CATSPERD: variants seen among roughly 807,000 people sequenced by gnomAD.
CATSPERD encodes the protein cation channel sperm-associated auxiliary subunit delta.
Under a neutral mutation model 98.1 loss-of-function variants are expected in CATSPERD, and 86 were observed. That is an observed-to-expected ratio of 0.88 (90% CI 0.74 to 1.05). The LOEUF is 1.05. Ranked by LOEUF, CATSPERD falls within the 50% of genes least tolerant of loss-of-function variation. The pLI is 0.00. For missense variants in CATSPERD, 995 were observed against 1,005.7 expected, an observed-to-expected ratio of 0.99 and a Z score of 0.14; for synonymous variants, 394 against 390.2, an observed-to-expected ratio of 1.01 and a Z score of -0.12.
intron 5 of CATSPERD, among the ~76,000 whole-genome samples, chr19:5,734,600 T>C (rs903129087): frequency 4.6e-5 from 7 of 150,968 alleles, no homozygotes; most frequent in African/African-American, 9.8e-5. Flanking sequence ...ATTGTGCCAC[T>C]GCATTCCAGC....
intron 1 of CATSPERD, among the ~76,000 whole-genome samples, chr19:5,722,439 A>C (rs1295822934): frequency 1.3e-5 from 2 of 152,148 alleles, no homozygotes; most frequent in Non-Finnish European, 2.9e-5. Flanking sequence ...TATTTTATAG[A>C]TACGAAAGCA....
At chr19:5,768,999 CG>C (rs2056596093) in intron 18 of CATSPERD, among the ~76,000 whole-genome samples, 1 of 151,666 alleles carries the variant, frequency 6.6e-6, no homozygotes, top group Admixed American at 6.6e-5. Context: ...ACTAAAAATA[CG>C]AAAATTAGCC....
intron 7 of CATSPERD, among the ~76,000 whole-genome samples, chr19:5,743,687 TC>T (rs2056039226): frequency 6.8e-5 from 4 of 59,170 alleles, no homozygotes; most frequent in Admixed American, 3.6e-4. Flanking sequence ...TCTCTTCCTC[TC>T]TCTCTCTCTC....
At chr19:5,750,951 A>T (rs2056201359) in intron 11 of CATSPERD, among the ~76,000 whole-genome samples, 1 of 150,672 alleles carries the variant, frequency 6.6e-6, no homozygotes, top group Non-Finnish European at 1.5e-5. Flanking sequence ...GTGGTGGCTC[A>T]TGCCTGTAAT....
chr19:5,767,174 G>T (rs887093429), intron 17 of CATSPERD, among the ~76,000 whole-genome samples: 1 of 150,162 alleles, frequency 6.7e-6, no homozygotes, highest in Non-Finnish European at 1.5e-5. Flanking sequence ...AAAATTAGCC[G>T]GGCGCATTGG....
chr19:5,751,197 C>CA lies in CATSPERD; in HGVS notation c.988-405dup, dbSNP rs556079596. Among the ~76,000 whole-genome samples, 17 of 46,618 alleles carry CA rather than the reference C, an allele frequency of 3.6e-4. 1 individual carries two copies. The highest frequency in any genetic ancestry group is 4.6e-4 in the Non-Finnish European group (12 of 25,848). 30.6% of individuals were successfully genotyped at this position (46,618 alleles called of 152,430 possible). On this transcript the variant is annotated intron_variant, in intron 11 of 21. Coordinates refer to ENST00000381624, the MANE Select transcript of CATSPERD (RefSeq NM_152784.4). ...CAGGCGACAGAACAAGATTCCGTCT[C>CA]AAAAAAAAAAAAAAAAAAAAAAAAA...
intron 18 of CATSPERD, among the ~76,000 whole-genome samples, chr19:5,769,052 G>T (rs749112643): frequency 6.6e-6 from 1 of 151,920 alleles, no homozygotes; most frequent in African/African-American, 2.4e-5. Context: ...TACTCGGGAG[G>T]CTGAGGCAGG....
rs778440967 is a variant in CATSPERD at position 5,769,891 on chromosome 19, G to C, written c.1635-1053G>C. On this transcript the variant is annotated intron_variant, in intron 18 of 21. Coordinates refer to ENST00000381624, the MANE Select transcript of CATSPERD (RefSeq NM_152784.4). Reference sequence around the variant, plus strand: ...ATCACTTGAGGTCAGGAGTTTGAGAGCAGTCTGGCCAACATGGTGAAATCC... The same window carrying C: ...ATCACTTGAGGTCAGGAGTTTGAGACCAGTCTGGCCAACATGGTGAAATCC... Among the ~76,000 whole-genome samples, 129 of 151,548 alleles carry C rather than the reference G, an allele frequency of 8.5e-4. 1 individual carries two copies. The Middle Eastern group carries it at 0.017, about 20-fold the overall frequency.
chr19:5,768,081 G>A lies in CATSPERD; in HGVS notation c.1560-87G>A, dbSNP rs1414517650. 1.6e-5 allele frequency: 20 copies of A among 1,255,060 alleles called. No homozygotes were observed. In the East Asian group the frequency reaches 3.1e-4, roughly 20 times the overall value. 77.7% of individuals were successfully genotyped at this position (1,255,060 alleles called of 1,614,324 possible). ...CAAAGTGCTGGGCCTGAGCCACCAC[G>A]CCCAGCCCCTCCCTTTCTGTCCCAT... On this transcript the variant is annotated intron_variant, in intron 17 of 21. Coordinates refer to ENST00000381624, the MANE Select transcript of CATSPERD (RefSeq NM_152784.4).
In CATSPERD at chr19:5,768,254, TC is replaced by T; in HGVS notation, c.1634+18del. 3 of 1,610,100 alleles carry T rather than the reference TC, an allele frequency of 1.9e-6. No homozygotes were observed. The highest frequency in any genetic ancestry group is 1.7e-6 in the Non-Finnish European group (2 of 1,177,500). ...TTCATCATCGAGAAGTAAGCCAGCG[TC>T]CCCCCGCAACACCTGACACCCAAGG... On this transcript the variant is annotated intron_variant, in intron 18 of 21. Transcript: ENST00000381624.
At chr19:5,766,077 C>G in intron 16 of CATSPERD, 26 bp from the exon 17 acceptor site, 4 of 1,603,726 alleles carry the variant, frequency 2.5e-6, no homozygotes, top group Non-Finnish European at 3.4e-6. Context: ...GACCTGGGTC[C>G]ATATTTCTGT....
At chr19:5,762,312 C>T (rs1015230070) in intron 15 of CATSPERD, among the ~76,000 whole-genome samples, 5 of 151,540 alleles carry the variant, frequency 3.3e-5, no homozygotes, top group African/African-American at 9.7e-5. Flanking sequence ...GATCTGCCCA[C>T]CTCGGCCTCC....
intron 17 of CATSPERD, 135 bp from the exon 18 acceptor site, chr19:5,768,033 G>A (rs2056575703): frequency 1.7e-6 from 1 of 582,298 alleles, no homozygotes; most frequent in Admixed American, 2.5e-5. Context: ...CCTGACCTCA[G>A]GTGATCCGCC....
At chr19:5,740,571 G>T (rs937264662) in intron 7 of CATSPERD, among the ~76,000 whole-genome samples, 2 of 150,950 alleles carry the variant, frequency 1.3e-5, no homozygotes, top group African/African-American at 4.9e-5. Context: ...TGGGCAACAA[G>T]AGCGAAACTC....
In CATSPERD at chr19:5,778,581, A is replaced by T; in HGVS notation, c.2302A>T (p.Thr768Ser). The change falls in exon 22 of 22, where the codon ACG (threonine) becomes TCG (serine). Residue 768 changes from threonine to serine, a missense_variant. Coordinates refer to ENST00000381624, the MANE Select transcript of CATSPERD (RefSeq NM_152784.4). ...CATQLCRRCKTVCQFRASATA... is the reference protein window; with the variant it reads ...CATQLCRRCKSVCQFRASATA... ...GACACAGCTGTGTAGGAGATGCAAGACGGTCTGCCAGTTCAGGGCCTCAGC... is the reference window on the plus strand; with the variant it reads ...GACACAGCTGTGTAGGAGATGCAAGTCGGTCTGCCAGTTCAGGGCCTCAGC... The T allele has an allele frequency of 1.9e-6, 3 of 1,613,778 alleles. No individual in the cohort carries two copies. The highest frequency in any genetic ancestry group is 2.5e-6 in the Non-Finnish European group (3 of 1,180,020).
At chr19:5,755,140 G>A (rs1299600818) in intron 13 of CATSPERD, among the ~76,000 whole-genome samples, 3 of 152,000 alleles carry the variant, frequency 2.0e-5, no homozygotes, top group African/African-American at 7.2e-5. Flanking sequence ...CACCATGCTG[G>A]CCTCATTTTC....
intron 19 of CATSPERD, 128 bp from the exon 20 acceptor site, chr19:5,772,660 T>G (rs1336965220): frequency 4.5e-6 from 4 of 883,490 alleles, no homozygotes; most frequent in East Asian, 5.1e-5. Context: ...GCGGCAGGCG[T>G]CCTTTGGTTT....
At chr19:5,743,834 G>A (rs562881545) in intron 7 of CATSPERD, among the ~76,000 whole-genome samples, 1 of 152,128 alleles carries the variant, frequency 6.6e-6, no homozygotes, top group South Asian at 2.1e-4. Flanking sequence ...TAGACACTTT[G>A]CTGTCCAGCT....
At chr19:5,726,074 T>C (rs2055598717) in intron 2 of CATSPERD, among the ~76,000 whole-genome samples, 3 of 151,764 alleles carry the variant, frequency 2.0e-5, no homozygotes, top group Admixed American at 2.0e-4. Context: ...TTTTTTTTTT[T>C]TTCCTGAGAT....
Sources: allele counts gnomAD v4.1 joint callset (sites outside exome capture counted in the v4.1 genomes callset), GRCh38; gene constraint gnomAD v4.1.1; transcripts MANE v1.5; gene names NCBI Gene and HGNC (gene_info 2026-07-23, HGNC 2026-07-21).